The following PUM1 variants were observed in gnomAD, a reference collection of about 807,000 sequenced individuals.
PUM1 encodes the protein pumilio RNA binding family member 1.
PUM1 carries 13 observed loss-of-function variants against 131.8 expected under a neutral mutation model. The ratio of observed to expected loss-of-function variants is 0.10; its 90% CI spans 0.06 to 0.16. The LOEUF (loss-of-function observed/expected upper bound fraction) is 0.16. Among genes scored for constraint, PUM1 ranks in the 10% least tolerant of loss-of-function variants. The pLI is 1.00. For synonymous variants in PUM1, 509 were observed against 556.5 expected, an observed-to-expected ratio of 0.91 and a Z score of 1.20; for missense variants, 961 against 1,512.4, an observed-to-expected ratio of 0.64 and a Z score of 6.05.
chr1:31,007,001 T>G lies in PUM1; in HGVS notation c.534A>C (p.Gly178=). 6.2e-7 allele frequency: 1 copy of G among 1,612,450 alleles called. No individual in the cohort carries two copies. Among genetic ancestry groups the G allele is most frequent in the East Asian group, 2.2e-5 (1 of 44,854 alleles). ...LGDQWRDSAW[G]TSDHSVSQPI... Reference sequence around the variant, plus strand: ...ATGCTAGATCTAGATTACCTGATGTTCCCCAGGCACTGTCTCGCCATTGAT... The same window carrying G: ...ATGCTAGATCTAGATTACCTGATGTGCCCCAGGCACTGTCTCGCCATTGAT... Residue 178 remains glycine (G), a synonymous_variant, in exon 4 of 22, where the codon GGA becomes GGC. Coordinates refer to ENST00000426105, the MANE Select transcript of PUM1 (RefSeq NM_001020658.2).
intron 9 of PUM1, among the ~76,000 whole-genome samples, chr1:30,977,546 G>A (rs574245104): frequency 6.6e-6 from 1 of 152,196 alleles, no homozygotes; most frequent in South Asian, 2.1e-4. Context: ...AACATCCCAG[G>A]GCAAATCAAC....
chr1:31,053,824 G>A lies in PUM1; in HGVS notation c.363+5380C>T, dbSNP rs181882532. On this transcript the variant is annotated intron_variant, in intron 2 of 21. Transcript: ENST00000426105. ...TAAGTATACAAGTGGCCCAGGAACG[G>A]TGGCTCATGCCTATAATCCCAGCAC... Among the ~76,000 whole-genome samples, 792 of 152,130 alleles carry A rather than the reference G, an allele frequency of 5.2e-3. 6 individuals carry two copies. The highest frequency in any genetic ancestry group is 0.018 in the African/African-American group (732 of 41,530).
At chr1:30,979,516 C>A (rs1461183824) in intron 9 of PUM1, among the ~76,000 whole-genome samples, 1 of 152,058 alleles carries the variant, frequency 6.6e-6, no homozygotes, top group African/African-American at 2.4e-5. Context: ...AAAACACCAC[C>A]ACCCCCACCC....
intron 10 of PUM1, among the ~76,000 whole-genome samples, chr1:30,970,600 G>A (rs979036814): frequency 2.0e-5 from 3 of 152,110 alleles, no homozygotes; most frequent in South Asian, 2.1e-4. Context: ...TAGAAGAGTC[G>A]GGGGGCTGTA....
chr1:31,053,085 T>G (rs1295399793), intron 2 of PUM1, among the ~76,000 whole-genome samples: 1 of 151,008 alleles, frequency 6.6e-6, no homozygotes, highest in Non-Finnish European at 1.5e-5. Context: ...GGATCTCGGC[T>G]CACTGCAACC....
Position 31,059,404 on chromosome 1 carries a change from C to T in PUM1, c.163G>A (p.Ala55Thr). Residue 55 changes from alanine (A) to threonine (T), a missense_variant, in exon 2 of 22, where the codon GCT becomes ACT. Ala to Thr is a moderately conservative substitution (Grantham distance 58). This residue lies in a region of PUM1 where 654 missense variants were observed against 923.9 expected (regional missense o/e 0.71). Transcript: ENST00000426105. ...QAQPQPAANQ[A>T]LAAGTHSSPV... ...CTGGAGTGAGTCCCAGCTGCAAGAGCCTGATTTGCAGCTGGTTGTGGCTGC... is the reference window on the plus strand; with the variant it reads ...CTGGAGTGAGTCCCAGCTGCAAGAGTCTGATTTGCAGCTGGTTGTGGCTGC... The T allele has an allele frequency of 6.2e-7, 1 of 1,614,130 alleles. No homozygotes were observed.
chr1:31,007,641 C>T (rs2124511432), intron 3 of PUM1, among the ~76,000 whole-genome samples: 1 of 152,260 alleles, frequency 6.6e-6, no homozygotes, highest in South Asian at 2.1e-4. Context: ...ACAACACTAA[C>T]CTATTCCAAG....
intron 14 of PUM1, 130 bp downstream of exon 14, chr1:30,964,544 G>A (rs752543394): frequency 5.3e-5 from 42 of 789,062 alleles, no homozygotes; most frequent in East Asian, 9.8e-5. Context: ...AGGTATTTAC[G>A]GAAGGCACAG....
chr1:31,019,611 T>C (rs1204363577), intron 3 of PUM1, among the ~76,000 whole-genome samples: 3 of 152,332 alleles, frequency 2.0e-5, no homozygotes, highest in South Asian at 2.1e-4. Context: ...TCCATGTTAT[T>C]TTGTCATGAA....
At chr1:30,939,739 TC>T (rs1333173142) in intron 20 of PUM1, among the ~76,000 whole-genome samples, 1 of 152,090 alleles carries the variant, frequency 6.6e-6, no homozygotes, top group African/African-American at 2.4e-5. Context: ...GCACCTACAG[TC>T]CCAGCTACTT....
At chr1:30,975,058 G>A (rs964498529) in intron 9 of PUM1, among the ~76,000 whole-genome samples, 7 of 152,110 alleles carry the variant, frequency 4.6e-5, no homozygotes, top group African/African-American at 1.7e-4. Flanking sequence ...ACTAAAAGGG[G>A]GAATCACTGA....
rs770268592 is a variant in PUM1, at chr1:30,992,454, G to A, written c.1094C>T (p.Thr365Met). ...MEPLQFDYSG[T>M]QVPVDSAAAT... ...TGCTGCTGAGTCCACAGGTACCTGCGTGCCTGAATAATCAAACTGAAGAGG... is the reference window on the plus strand; with the variant it reads ...TGCTGCTGAGTCCACAGGTACCTGCATGCCTGAATAATCAAACTGAAGAGG... Residue 365 changes from threonine (T) to methionine (M), a missense_variant, in exon 7 of 22, where the codon ACG becomes ATG. Thr to Met is a moderately conservative substitution (Grantham distance 81). This residue lies in a region of PUM1 where 654 missense variants were observed against 923.9 expected (regional missense o/e 0.71). Coordinates refer to ENST00000426105, the MANE Select transcript of PUM1 (RefSeq NM_001020658.2). 5 of 1,614,100 alleles carry A rather than the reference G, an allele frequency of 3.1e-6. No individual in the cohort carries two copies. The highest frequency in any genetic ancestry group is 2.5e-6 in the Non-Finnish European group (3 of 1,180,044).
intron 9 of PUM1, among the ~76,000 whole-genome samples, chr1:30,979,639 T>G (rs1297868477): frequency 6.6e-6 from 1 of 151,416 alleles, no homozygotes; most frequent in Non-Finnish European, 1.5e-5. Flanking sequence ...GATGAAGAGG[T>G]AAGATCTAAG....
chr1:31,021,904 G>A (rs1643040764), intron 3 of PUM1, among the ~76,000 whole-genome samples: 1 of 151,716 alleles, frequency 6.6e-6, no homozygotes, highest in South Asian at 2.1e-4. Context: ...TTCAAACAGA[G>A]GCTTAATGAT....
At chr1:31,045,497 C>T (rs949276601) in intron 2 of PUM1, among the ~76,000 whole-genome samples, 10 of 152,116 alleles carry the variant, frequency 6.6e-5, no homozygotes, top group African/African-American at 2.4e-4. Flanking sequence ...ACCTGTAATA[C>T]CAGCACTTTG....
chr1:31,050,433 T>C (rs1644080333), intron 2 of PUM1, among the ~76,000 whole-genome samples: 1 of 151,892 alleles, frequency 6.6e-6, no homozygotes, highest in African/African-American at 2.4e-5. Context: ...TCAGTGAGCC[T>C]AGATAGTGCC....
chr1:31,030,891 T>C (rs892030601), intron 2 of PUM1, among the ~76,000 whole-genome samples: 5 of 152,142 alleles, frequency 3.3e-5, no homozygotes, highest in African/African-American at 1.2e-4. Context: ...ATCACTAAGA[T>C]ACAAAAGATT....
rs374638913 is a variant in PUM1 at position 30,953,890 on chromosome 1, G to A, written c.2415C>T (p.Phe805=). 1 of 1,614,234 alleles carries A rather than the reference G, an allele frequency of 6.2e-7. No homozygotes were observed. The highest frequency in any genetic ancestry group is 8.5e-7 in the Non-Finnish European group (1 of 1,180,046). The change falls in exon 15 of 22, where the codon TTC becomes TTT. Residue 805 remains phenylalanine, a synonymous_variant. Coordinates refer to ENST00000426105, the MANE Select transcript of PUM1 (RefSeq NM_001020658.2). The part of the protein sequence containing the change: ...YRSASSASSL[F]SPSSTLFSSS... ...AAGAGAAAAGAGTGCTGCTCGGGCT[G>A]AAGAGGCTGGAGGCGCTGCTTGCAC...
chr1:31,025,552 T>G, intron 3 of PUM1, among the ~76,000 whole-genome samples: 1 of 138,944 alleles, frequency 7.2e-6, no homozygotes, highest in East Asian at 2.1e-4. Flanking sequence ...TGTCTTTTTT[T>G]TTTTTTTTTT....
Sources: allele counts gnomAD v4.1 joint callset (sites outside exome capture counted in the v4.1 genomes callset), GRCh38; gene constraint gnomAD v4.1.1; regional missense constraint gnomAD v4.1.1; transcripts MANE v1.5; gene names NCBI Gene and HGNC (gene_info 2026-07-23, HGNC 2026-07-21).